The following EPN1 variants were observed in gnomAD, a reference collection of about 807,000 sequenced individuals.
EPN1 encodes the protein epsin-1.
In EPN1, 25 loss-of-function variants were observed where a neutral mutation model predicts 56.9. That is an observed-to-expected ratio of 0.44 (90% CI 0.32 to 0.61). The LOEUF (loss-of-function observed/expected upper bound fraction) is 0.61. EPN1 is among the 20% of genes least tolerant of loss of function. The probability of loss-of-function intolerance (pLI) is 0.05; values close to 1 mark genes in which losing one functional copy is unlikely to be tolerated. For missense variants in EPN1, 785 were observed against 823.7 expected (o/e 0.95, Z 0.58); for synonymous variants, 411 against 361.8 (o/e 1.14, Z -1.54).
In EPN1 at chr19:55,678,875, C is replaced by G; in HGVS notation, c.228+20C>G. 6.4e-7 allele frequency: 1 copy of G among 1,562,732 alleles called. No individual in the cohort carries two copies. Among genetic ancestry groups the G allele is most frequent in the Non-Finnish European group, 8.7e-7 (1 of 1,143,510 alleles). ...TACAAGGTCAGCATCCTGCTCTCCT[C>G]CCCGGGCAGGTGCAGGGGCTCAGGT... On this transcript the variant is annotated intron_variant, in intron 2 of 10. Transcript: ENST00000270460.
rs1987328131 is a variant in EPN1 at position 55,705,064 on chromosome 19, A to T, written c.*9708A>T. 6.6e-6 allele frequency: 1 copy of T among 152,258 alleles called. No individual in the cohort carries two copies. The highest frequency in any genetic ancestry group is 2.4e-5 in the African/African-American group (1 of 41,456). 9.4% of individuals were successfully genotyped at this position (152,258 alleles called of 1,614,324 possible). A position where few individuals can be genotyped will look rare whatever the true frequency, so the allele number is the denominator to read the frequency against. ...AGACTCGCAGTTCTGCCACACAGTG[A>T]ATGTGCTACTCAAGCCACTCAGCCT... On this transcript the variant is annotated 3_prime_UTR_variant, in exon 11 of 11. Coordinates refer to ENST00000270460, the MANE Select transcript of EPN1 (RefSeq NM_001130072.2).
Position 55,688,854 on chromosome 19 carries a change from C to T in EPN1, c.479-16C>T, listed in dbSNP as rs1986340565. On this transcript the variant is annotated splice_polypyrimidine_tract_variant and intron_variant, in intron 3 of 10. Coordinates refer to ENST00000270460, the MANE Select transcript of EPN1 (RefSeq NM_001130072.2). ...TCCCTGGTCTGGGTCTCACGCGTTT[C>T]TCACCCGCCCTCCAGCCTCATCAGC... The T allele has an allele frequency of 1.3e-6, 2 of 1,571,010 alleles. No individual in the cohort carries two copies. Among genetic ancestry groups the T allele is most frequent in the Non-Finnish European group, 8.6e-7 (1 of 1,158,618 alleles).
Position 55,695,311 on chromosome 19 carries a change from G to GCCCCCGGGC in EPN1, c.1694_1702dup (p.Gly565_Pro567dup), listed in dbSNP as rs1986854273. On this transcript the variant is annotated inframe_insertion, in exon 11 of 11. Coordinates refer to ENST00000270460, the MANE Select transcript of EPN1 (RefSeq NM_001130072.2). This position sits in a 1 kb window ranked among gnomAD's most constrained non-coding sequence, Gnocchi z 4.4. The stretch of plus-strand genomic sequence containing the variant: ...GGGGCCCTGGCCTGCCCCCCATGAT[G>GCCCCCGGGC]CCCCCGGGCCCCCCGGCCCCCAACA... 2 of 1,544,910 alleles carry GCCCCCGGGC rather than the reference G, an allele frequency of 1.3e-6. No individual in the cohort carries two copies. Among genetic ancestry groups the GCCCCCGGGC allele is most frequent in the Non-Finnish European group, 1.7e-6 (2 of 1,145,492 alleles).
At chr19:55,677,267 C>CTCACAGGGTGGAAA in intron 1 of EPN1, 1 of 1,065,412 alleles carries the variant, frequency 9.4e-7, no homozygotes, top group Non-Finnish European at 1.4e-6. Flanking sequence ...CAGTTTCCAC[C>CTCACAGGGTGGAAA]CTGTGAGGTG....
intron 3 of EPN1, among the ~76,000 whole-genome samples, chr19:55,685,967 A>G (rs984322482): frequency 1.4e-4 from 21 of 152,150 alleles, no homozygotes; most frequent in African/African-American, 5.1e-4. Context: ...CTCTGAGGGG[A>G]CACGCACAGT....
chr19:55,707,489 A>G lies in EPN1; in HGVS notation c.*12133A>G, dbSNP rs983393676. Reference sequence around the variant, plus strand: ...TATTTCGGGTAAAGGAAAGACCAAAATAACTTTCCAAGATGAAAAGCTAAG... The same window carrying G: ...TATTTCGGGTAAAGGAAAGACCAAAGTAACTTTCCAAGATGAAAAGCTAAG... On this transcript the variant is annotated 3_prime_UTR_variant, in exon 11 of 11. Coordinates refer to ENST00000270460, the MANE Select transcript of EPN1 (RefSeq NM_001130072.2). 6.5e-6 allele frequency: 1 copy of G among 152,854 alleles called. No individual in the cohort carries two copies. The highest frequency in any genetic ancestry group is 1.5e-5 in the Non-Finnish European group (1 of 68,222). 9.5% of individuals were successfully genotyped at this position (152,854 alleles called of 1,614,324 possible).
chr19:55,684,623 C>G (rs1242851181), intron 2 of EPN1, among the ~76,000 whole-genome samples: 3 of 152,280 alleles, frequency 2.0e-5, no homozygotes, highest in African/African-American at 4.8e-5. Context: ...AGAGCCCGGG[C>G]CTACACAGGC....
rs1986967768 is a variant in EPN1 at position 55,697,774 on chromosome 19, C to T, written c.*2418C>T. The T allele has an allele frequency of 2.0e-5, 3 of 152,310 alleles. No homozygotes were observed. The highest frequency in any genetic ancestry group is 3.4e-3 in the Middle Eastern group (1 of 294). The allele number at this position is 152,310 out of a possible 1,614,324, so 9.4% of individuals were successfully genotyped here. On this transcript the variant is annotated 3_prime_UTR_variant, in exon 11 of 11. Coordinates refer to ENST00000270460, the MANE Select transcript of EPN1 (RefSeq NM_001130072.2). ...AGGAGTCCCCCATGAGGCCCAAGCA[C>T]CTGAGCTTAGTGACATACACGGTTG...
intron 2 of EPN1, among the ~76,000 whole-genome samples, chr19:55,683,509 AC>A (rs1985965786): frequency 6.6e-6 from 1 of 150,644 alleles, no homozygotes; most frequent in African/African-American, 2.5e-5. Flanking sequence ...GCACCGCCAC[AC>A]CTGGCCAGTT....
chr19:55,681,027 C>T (rs938833307), intron 2 of EPN1, among the ~76,000 whole-genome samples: 5 of 152,318 alleles, frequency 3.3e-5, no homozygotes, highest in East Asian at 1.9e-4. Flanking sequence ...GGTGGCCTGC[C>T]GAGGCTCGTG....
Position 55,702,485 on chromosome 19 carries a change from A to G in EPN1, c.*7129A>G, listed in dbSNP as rs1442652088. The G allele has an allele frequency of 6.6e-6, 1 of 152,038 alleles. No homozygotes were observed. Among genetic ancestry groups the G allele is most frequent in the Non-Finnish European group, 1.5e-5 (1 of 68,022 alleles). The allele number at this position is 152,038 out of a possible 1,614,324, so 9.4% of individuals were successfully genotyped here. ...CCACTGTTTTCACTGGGGCCCATCT[A>G]TGTATGTGGCTTGGTGATTACCCAG... On this transcript the variant is annotated 3_prime_UTR_variant, in exon 11 of 11. Transcript: ENST00000270460.
At position 55,705,957 on chromosome 19, in the gene EPN1, CAAAAT is replaced by C. The variant is rs907156167; in HGVS notation, c.*10604_*10608del. On this transcript the variant is annotated 3_prime_UTR_variant, in exon 11 of 11. Coordinates refer to ENST00000270460, the MANE Select transcript of EPN1 (RefSeq NM_001130072.2). ...TTTTCAGTGAGTATAAAGTGTAAGA[CAAAAT>C]AAGTCTTAGTTCAGGTATGCTGGAT... 6.4e-6 allele frequency: 1 copy of C among 156,388 alleles called. No individual in the cohort carries two copies. Among genetic ancestry groups the C allele is most frequent in the Non-Finnish European group, 1.4e-5 (1 of 70,948 alleles). The allele number at this position is 156,388 out of a possible 1,614,324, so 9.7% of individuals were successfully genotyped here. A position where few individuals can be genotyped will look rare whatever the true frequency, so the allele number is the denominator to read the frequency against.
rs1409019881 is a variant in EPN1, at chr19:55,691,714, A to G, written c.763-40A>G. The G allele has an allele frequency of 4.4e-6, 7 of 1,583,338 alleles. No homozygotes were observed. The East Asian group carries it at 6.9e-5, about 15-fold the overall frequency. ...GCTTGGTCCCTGTCCCAGGCTTCCC[A>G]CCACTTCTTCATGCTCCTTCTCTTC... On this transcript the variant is annotated intron_variant, in intron 6 of 10. Coordinates refer to ENST00000270460, the MANE Select transcript of EPN1 (RefSeq NM_001130072.2). The surrounding 1 kb of genome is among the most constrained non-coding windows in gnomAD (Gnocchi z 5.6).
chr19:55,707,742 A>G lies in EPN1; in HGVS notation c.*12386A>G, dbSNP rs1465015227. On this transcript the variant is annotated 3_prime_UTR_variant, in exon 11 of 11. Transcript: ENST00000270460. Reference sequence around the variant, plus strand: ...AATGAGGCCCACACACAAGATTCTCACCCACATGGCCGTGGCAAACTCCTT... The same window carrying G: ...AATGAGGCCCACACACAAGATTCTCGCCCACATGGCCGTGGCAAACTCCTT... 6.5e-6 allele frequency: 1 copy of G among 154,512 alleles called. No homozygotes were observed. Among genetic ancestry groups the G allele is most frequent in the Non-Finnish European group, 1.5e-5 (1 of 68,262 alleles). The allele number at this position is 154,512 out of a possible 1,614,324, so 9.6% of individuals were successfully genotyped here. A position where few individuals can be genotyped will look rare whatever the true frequency, so the allele number is the denominator to read the frequency against.
intron 2 of EPN1, among the ~76,000 whole-genome samples, chr19:55,683,714 G>GTAC (rs1985981216): frequency 6.6e-6 from 1 of 152,348 alleles, no homozygotes; most frequent in East Asian, 1.9e-4. Flanking sequence ...CATAGTTGAT[G>GTAC]TATGCATTTC....
rs1418090093 is a variant in EPN1 at position 55,694,662 on chromosome 19, T to C, written c.1265-64T>C. 28 of 1,504,096 alleles carry C rather than the reference T, an allele frequency of 1.9e-5. No individual in the cohort carries two copies. Among genetic ancestry groups the C allele is most frequent in the Non-Finnish European group, 2.3e-5 (26 of 1,129,874 alleles). 93.2% of individuals were successfully genotyped at this position (1,504,096 alleles called of 1,614,324 possible). On this transcript the variant is annotated intron_variant, in intron 9 of 10. Coordinates refer to ENST00000270460, the MANE Select transcript of EPN1 (RefSeq NM_001130072.2). This position sits in a 1 kb window ranked among gnomAD's most constrained non-coding sequence, Gnocchi z 4.2. ...AAGCGCCCCCTATGATGGCCTATAC[T>C]GCTCCCGGGTTGGAGCCTCACTGCT...
chr19:55,700,539 CGTGAG>C lies in EPN1; in HGVS notation c.*5184_*5188del, dbSNP rs1987092796. 7.2e-5 allele frequency: 11 copies of C among 151,902 alleles called. No homozygotes were observed. Among genetic ancestry groups the C allele is most frequent in the African/African-American group, 2.2e-4 (9 of 41,144 alleles). The allele number at this position is 151,902 out of a possible 1,614,324, so 9.4% of individuals were successfully genotyped here. On this transcript the variant is annotated 3_prime_UTR_variant, in exon 11 of 11. Coordinates refer to ENST00000270460, the MANE Select transcript of EPN1 (RefSeq NM_001130072.2). ...CCTCCCAAAGTGCTGGGATTACAGGCGTGAGCCACGGCACCCGGCCCATAATTACA... is the reference window on the plus strand; with the variant it reads ...CCTCCCAAAGTGCTGGGATTACAGGCCCACGGCACCCGGCCCATAATTACA...
Position 55,685,404 on chromosome 19 carries a change from G to A in EPN1, c.237G>A (p.Thr79=). The change falls in exon 3 of 11, where the codon ACG becomes ACA. Residue 79 remains threonine (T), a synonymous_variant. Coordinates refer to ENST00000270460, the MANE Select transcript of EPN1 (RefSeq NM_001130072.2). ...CCCGTGCCCGCTCGCAGGCCATGAC[G>A]CTGATGGAGTACCTCATCAAGACCG... ...KNWRHVYKAM[T]LMEYLIKTGS... The A allele has an allele frequency of 6.8e-6, 11 of 1,610,750 alleles. No homozygotes were observed. Among genetic ancestry groups the A allele is most frequent in the Middle Eastern group, 1.7e-4 (1 of 6,058 alleles).
chr19:55,678,693 C>A lies in EPN1; in HGVS notation c.66C>A (p.Ile22=), dbSNP rs1244457500. 2.4e-5 allele frequency: 39 copies of A among 1,614,110 alleles called. No homozygotes were observed. Among genetic ancestry groups the A allele is most frequent in the Non-Finnish European group, 3.3e-5 (39 of 1,179,996 alleles). Residue 22 remains isoleucine, a synonymous_variant, in exon 2 of 11, where the codon ATC becomes ATA. Transcript: ENST00000270460. Reference sequence around the variant, plus strand: ...TCCACAACTACTCAGAGGCGGAGATCAAGGTTCGAGAGGCCACGAGCAATG... The same window carrying A: ...TCCACAACTACTCAGAGGCGGAGATAAAGGTTCGAGAGGCCACGAGCAATG... ...NIVHNYSEAE[I]KVREATSNDP...
Sources: allele counts gnomAD v4.1 joint callset (sites outside exome capture counted in the v4.1 genomes callset), GRCh38; gene constraint gnomAD v4.1.1; non-coding constraint Gnocchi (gnomAD v3.1); transcripts MANE v1.5; gene names NCBI Gene and HGNC (gene_info 2026-07-23, HGNC 2026-07-21).